PDZRN4: variants seen among roughly 807,000 people sequenced by gnomAD.
The protein encoded by PDZRN4 is PDZ domain containing ring finger 4.
A neutral mutation model predicts 99.0 loss-of-function variants in PDZRN4; 70 were observed. That is an observed-to-expected ratio of 0.71 (90% CI 0.58 to 0.86). The LOEUF (loss-of-function observed/expected upper bound fraction) is 0.86, where lower values mean the gene tolerates loss of function less well. Ranked by LOEUF, PDZRN4 falls within the 40% of genes least tolerant of loss-of-function variation. The pLI, the probability that PDZRN4 is intolerant of heterozygous loss-of-function variation, is 0.00. For synonymous variants in PDZRN4, 551 were observed against 501.6 expected (o/e 1.10, Z -1.32); for missense variants, 1,474 against 1,331.2 (o/e 1.11, Z -1.67).
intron 3 of PDZRN4, among the ~76,000 whole-genome samples, chr12:41,391,962 T>C (rs1952213691): frequency 6.6e-6 from 1 of 152,150 alleles, no homozygotes; most frequent in Non-Finnish European, 1.5e-5. Context: ...AAGGAGAATA[T>C]GTAAAATTGA....
At chr12:41,394,837 CGAGA>C (rs141770387) in intron 3 of PDZRN4, among the ~76,000 whole-genome samples, 2 of 148,966 alleles carry the variant, frequency 1.3e-5, no homozygotes, top group African/African-American at 4.9e-5. Context: ...AAAGAGAGGG[CGAGA>C]GAGAGAGAGA....
intron 3 of PDZRN4, among the ~76,000 whole-genome samples, chr12:41,434,219 A>G (rs1229174603): frequency 6.6e-6 from 1 of 152,122 alleles, no homozygotes; most frequent in Non-Finnish European, 1.5e-5. Context: ...CTGTCTATGT[A>G]GTGTTGCTCA....
chr12:41,238,349 C>T (rs976825433), intron 3 of PDZRN4, among the ~76,000 whole-genome samples: 2 of 152,006 alleles, frequency 1.3e-5, no homozygotes, highest in East Asian at 1.9e-4. Flanking sequence ...GCAGAAGTTG[C>T]TTATCAGGTT....
chr12:41,474,369 C>CA (rs1169022431), intron 3 of PDZRN4, among the ~76,000 whole-genome samples: 2 of 152,206 alleles, frequency 1.3e-5, no homozygotes, highest in Non-Finnish European at 2.9e-5. Context: ...ATTTATTATA[C>CA]AACAGGCTCA....
chr12:41,297,467 G>A (rs1286273101), intron 3 of PDZRN4, among the ~76,000 whole-genome samples: 2 of 152,108 alleles, frequency 1.3e-5, no homozygotes, highest in African/African-American at 4.8e-5. Flanking sequence ...TTTCACTGGT[G>A]CTGTGACTTT....
intron 5 of PDZRN4, among the ~76,000 whole-genome samples, chr12:41,534,464 G>C (rs1393157721): frequency 6.6e-6 from 1 of 151,858 alleles, no homozygotes; most frequent in Non-Finnish European, 1.5e-5. Context: ...ACTCCTCACA[G>C]GCTCTAGTGT....
intron 3 of PDZRN4, among the ~76,000 whole-genome samples, chr12:41,267,044 T>C (rs570548108): frequency 2.0e-5 from 3 of 152,222 alleles, no homozygotes; most frequent in African/African-American, 7.2e-5. Flanking sequence ...GAAACTCTGC[T>C]CATGAAACTC....
intron 3 of PDZRN4, among the ~76,000 whole-genome samples, chr12:41,307,154 T>G (rs1951576562): frequency 6.6e-6 from 1 of 152,170 alleles, no homozygotes; most frequent in African/African-American, 2.4e-5. Flanking sequence ...TATTTCTCAG[T>G]ACCAATTCCT....
intron 3 of PDZRN4, among the ~76,000 whole-genome samples, chr12:41,431,117 G>C (rs1952583021): frequency 6.6e-6 from 1 of 152,150 alleles, no homozygotes; most frequent in African/African-American, 2.4e-5. Context: ...ATTACAATTT[G>C]ACATGAGATT....
At chr12:41,516,489 C>A (rs1378680288) in intron 5 of PDZRN4, among the ~76,000 whole-genome samples, 1 of 151,914 alleles carries the variant, frequency 6.6e-6, no homozygotes, top group Non-Finnish European at 1.5e-5. Context: ...GTAAGAAAGT[C>A]TTTTTTCATA....
chr12:41,567,415 G>T (rs545781138), intron 8 of PDZRN4, among the ~76,000 whole-genome samples: 1 of 152,266 alleles, frequency 6.6e-6, no homozygotes, highest in East Asian at 1.9e-4. Flanking sequence ...TTGTCTCATA[G>T]CCCAATTAGT....
At chr12:41,315,610 G>T (rs1442426507) in intron 3 of PDZRN4, among the ~76,000 whole-genome samples, 5 of 151,966 alleles carry the variant, frequency 3.3e-5, no homozygotes, top group Non-Finnish European at 7.4e-5. Flanking sequence ...ATGCAGTTTT[G>T]ATATAATAAG....
intron 3 of PDZRN4, among the ~76,000 whole-genome samples, chr12:41,380,352 A>G (rs2121100126): frequency 6.6e-6 from 1 of 152,156 alleles, no homozygotes; most frequent in South Asian, 2.1e-4. Context: ...AGTAATAGAT[A>G]AGGCCTTGCT....
At chr12:41,473,637 A>G (rs1488976515) in intron 3 of PDZRN4, 4 of 152,132 alleles carry the variant, frequency 2.6e-5, no homozygotes, top group Non-Finnish European at 4.4e-5. Context: ...CCTGTTGATT[A>G]TCTCTTGTTA....
intron 3 of PDZRN4, among the ~76,000 whole-genome samples, chr12:41,294,374 A>G (rs1028487659): frequency 2.6e-5 from 4 of 152,164 alleles, no homozygotes; most frequent in African/African-American, 9.7e-5. Flanking sequence ...TAGCACACTG[A>G]CTTGCCTCTT....
chr12:41,480,480 A>T (rs7957589), intron 3 of PDZRN4, among the ~76,000 whole-genome samples: 22,227 of 152,138 alleles, frequency 0.15, 1,707 homozygotes, highest in South Asian at 0.24. Flanking sequence ...AAAACATAAC[A>T]TGCTTTGAGG....
At chr12:41,312,302 C>T (rs1168740248) in intron 3 of PDZRN4, among the ~76,000 whole-genome samples, 1 of 150,602 alleles carries the variant, frequency 6.6e-6, no homozygotes, top group East Asian at 1.9e-4. Flanking sequence ...TTGAGTTTCT[C>T]TATAGCAAAA....
chr12:41,429,922 A>G (rs1202033576), intron 3 of PDZRN4, among the ~76,000 whole-genome samples: 1 of 152,142 alleles, frequency 6.6e-6, no homozygotes, highest in African/African-American at 2.4e-5. Context: ...TAGTGATAGT[A>G]GCATTCAGTG....
At chr12:41,255,749 C>T (rs970660205) in intron 3 of PDZRN4, among the ~76,000 whole-genome samples, 1 of 152,230 alleles carries the variant, frequency 6.6e-6, no homozygotes, top group East Asian at 1.9e-4. Context: ...CTGGTGAGGC[C>T]TCAGGAAGCT....
Sources: allele counts gnomAD v4.1 joint callset (sites outside exome capture counted in the v4.1 genomes callset), GRCh38; gene constraint gnomAD v4.1.1; transcripts MANE v1.5; gene names NCBI Gene and HGNC (gene_info 2026-07-23, HGNC 2026-07-21).